MACROD2: variants seen among roughly 807,000 people sequenced by gnomAD.
MACROD2 encodes the protein mono-ADP ribosylhydrolase 2.
A neutral mutation model predicts 70.4 loss-of-function variants in MACROD2; 36 were observed. The observed-to-expected ratio is 0.51, with a 90% CI of 0.39 to 0.68. MACROD2 has a LOEUF of 0.68. Ranked by LOEUF, MACROD2 falls within the 30% of genes least tolerant of loss-of-function variation. MACROD2 has a pLI of 0.00. For missense variants in MACROD2, 496 were observed against 538.4 expected, an observed-to-expected ratio of 0.92 and a Z score of 0.78; for synonymous variants, 172 against 178.8, an observed-to-expected ratio of 0.96 and a Z score of 0.30.
At position 15,206,736 on chromosome 20, in the gene MACROD2, T is replaced by TTTTTTTTTG; in HGVS notation, c.419-23196_419-23195insGTTTTTTTT. On this transcript the variant is annotated intron_variant, in intron 5 of 17. Transcript: ENST00000684519. ...TATTATCTATGTTTTTTTTTTTTTTTTTTTTTTTTTTGAGACGGAGTCTCG... is the reference window on the plus strand; with the variant it reads ...TATTATCTATGTTTTTTTTTTTTTTTTTTTTTTTGTTTTTTTTTTTGAGACGGAGTCTCG... Among the ~76,000 whole-genome samples the TTTTTTTTTG allele has an allele frequency of 8.8e-5, 7 of 79,148 alleles. 1 individual carries two copies. The highest frequency in any genetic ancestry group is 4.0e-4 in the African/African-American group (6 of 14,996). 51.9% of individuals were successfully genotyped at this position (79,148 alleles called of 152,430 possible).
chr20:14,696,456 CGCATA>C (rs1157980777), intron 5 of MACROD2, among the ~76,000 whole-genome samples: 2 of 152,034 alleles, frequency 1.3e-5, no homozygotes, highest in East Asian at 3.9e-4. Context: ...ACTTCTCATC[CGCATA>C]TGTTGTGATG....
intron 6 of MACROD2, among the ~76,000 whole-genome samples, chr20:15,285,101 CTT>C (rs2077479065): frequency 2.6e-5 from 4 of 152,106 alleles, no homozygotes; most frequent in Non-Finnish European, 5.9e-5. Context: ...ACTACAAGTT[CTT>C]TCAATGTCAC....
At chr20:15,538,875 T>C (rs1308221271) in intron 8 of MACROD2, among the ~76,000 whole-genome samples, 1 of 152,042 alleles carries the variant, frequency 6.6e-6, no homozygotes, top group Admixed American at 6.6e-5. Context: ...ATTAAATGGG[T>C]ATTTGCTACT....
chr20:14,405,540 C>CT (rs1462142831), intron 3 of MACROD2, among the ~76,000 whole-genome samples: 1 of 152,184 alleles, frequency 6.6e-6, no homozygotes, highest in African/African-American at 2.4e-5. Flanking sequence ...TTCAGGTACT[C>CT]TGTCACTTGA....
chr20:15,910,574 TA>T (rs1310069167), intron 10 of MACROD2, among the ~76,000 whole-genome samples: 2 of 152,184 alleles, frequency 1.3e-5, no homozygotes, highest in African/African-American at 4.8e-5. Flanking sequence ...GCTCTCTTTA[TA>T]AAGTATCTTC....
intron 2 of MACROD2, among the ~76,000 whole-genome samples, chr20:14,018,043 A>G (rs772409122): frequency 6.0e-4 from 91 of 152,058 alleles, no homozygotes; most frequent in Non-Finnish European, 1.2e-4. Flanking sequence ...CTGTGAATAT[A>G]TTCATTTTAT....
chr20:15,961,069 C>T (rs563948918), intron 12 of MACROD2, among the ~76,000 whole-genome samples: 2 of 152,150 alleles, frequency 1.3e-5, no homozygotes, highest in South Asian at 2.1e-4. Context: ...GAAATAGAAA[C>T]GATTGTAAAA....
chr20:14,666,349 A>G (rs2070736429), intron 4 of MACROD2, among the ~76,000 whole-genome samples: 1 of 152,182 alleles, frequency 6.6e-6, no homozygotes, highest in Non-Finnish European at 1.5e-5. Flanking sequence ...CAAAGAGAGC[A>G]TATTTCTGGA....
chr20:14,131,014 T>C (rs1236605766), intron 3 of MACROD2, among the ~76,000 whole-genome samples: 3 of 151,714 alleles, frequency 2.0e-5, no homozygotes, highest in African/African-American at 7.3e-5. Flanking sequence ...AACCTTGGAC[T>C]TTTGGGTTCC....
intron 13 of MACROD2, among the ~76,000 whole-genome samples, chr20:15,973,403 C>T (rs891687691): frequency 5.9e-5 from 9 of 152,064 alleles, no homozygotes; most frequent in Non-Finnish European, 1.2e-4. Context: ...CTAAAAATCC[C>T]AGTGTTATGG....
intron 7 of MACROD2, among the ~76,000 whole-genome samples, chr20:15,445,593 G>C (rs6079830): frequency 1.3e-5 from 2 of 152,060 alleles, no homozygotes; most frequent in Non-Finnish European, 2.9e-5. Context: ...TTCCAACCCA[G>C]GGGACCCAGG....
intron 5 of MACROD2, among the ~76,000 whole-genome samples, chr20:15,227,823 G>GTTTTTTTTTT (rs59129207): frequency 0.019 from 857 of 46,056 alleles, 199 homozygotes; most frequent in African/African-American, 0.026. Flanking sequence ...AATTTCACCT[G>GTTTTTTTTTT]TTTTTTTTTT....
At chr20:15,308,803 G>A (rs1333816653) in intron 6 of MACROD2, among the ~76,000 whole-genome samples, 1 of 152,114 alleles carries the variant, frequency 6.6e-6, no homozygotes, top group African/African-American at 2.4e-5. Flanking sequence ...TCTCCAGCCC[G>A]GCTTTCATGG....
At chr20:14,746,661 A>G (rs16994889) in intron 5 of MACROD2, among the ~76,000 whole-genome samples, 12,570 of 152,124 alleles carry the variant, frequency 0.083, 805 homozygotes, top group African/African-American at 0.17. Flanking sequence ...TAATGAATCA[A>G]ATTTCCCCAG....
intron 8 of MACROD2, among the ~76,000 whole-genome samples, chr20:15,626,864 C>CA (rs542404456): frequency 2.7e-5 from 4 of 150,144 alleles, no homozygotes; most frequent in African/African-American, 7.3e-5. Context: ...CCCACCCCCC[C>CA]AAAAAAAAAT....
Position 14,929,785 on chromosome 20 carries a change from C to T in MACROD2, c.418+244826C>T, listed in dbSNP as rs559531332. ...GTAACAGAAGATGCTCTTCTCACCC[C>T]TATCACTCGGATAATTCCAAGAGTT... On this transcript the variant is annotated intron_variant, in intron 5 of 17. Coordinates refer to ENST00000684519, the MANE Select transcript of MACROD2 (RefSeq NM_001351661.2). Among the ~76,000 whole-genome samples the T allele has an allele frequency of 3.3e-5, 5 of 152,240 alleles. No individual in the cohort carries two copies. In the South Asian group the frequency reaches 1.0e-3, roughly 32 times the overall value.
chr20:15,762,022 G>A (rs530961289), intron 8 of MACROD2, among the ~76,000 whole-genome samples: 4 of 152,194 alleles, frequency 2.6e-5, no homozygotes, highest in African/African-American at 9.6e-5. Flanking sequence ...TAATTTTTTG[G>A]GCAGAGGTGA....
At chr20:15,501,470 C>G (rs1303342540) in intron 8 of MACROD2, among the ~76,000 whole-genome samples, 2 of 152,216 alleles carry the variant, frequency 1.3e-5, no homozygotes, top group Non-Finnish European at 2.9e-5. Flanking sequence ...AAATTCTACT[C>G]ATTGATTCTC....
intron 6 of MACROD2, among the ~76,000 whole-genome samples, chr20:15,395,731 G>A (rs1020867233): frequency 6.6e-6 from 1 of 152,202 alleles, no homozygotes; most frequent in Non-Finnish European, 1.5e-5. Context: ...GGACACAGAT[G>A]AATAGAACTT....
Sources: gnomAD v4.1 joint callset for allele counts (sites outside exome capture counted in the v4.1 genomes callset) on GRCh38, gnomAD v4.1.1 for gene constraint, MANE v1.5 for transcripts, NCBI Gene and HGNC (gene_info 2026-07-23, HGNC 2026-07-21) for gene names.